ATAD1: variants seen among roughly 807,000 people sequenced by gnomAD.
ATAD1 encodes outer mitochondrial transmembrane helix translocase.
ATAD1 carries 18 observed loss-of-function variants against 42.7 expected under a neutral mutation model. The observed-to-expected ratio is 0.42, with a 90% CI of 0.29 to 0.63. The LOEUF is 0.63. Ranked by LOEUF, ATAD1 falls within the 20% of genes least tolerant of loss-of-function variation. ATAD1 has a pLI of 0.19. For missense variants in ATAD1, 294 were observed against 440.4 expected, an observed-to-expected ratio of 0.67 and a Z score of 2.98; for synonymous variants, 132 against 143.1, an observed-to-expected ratio of 0.92 and a Z score of 0.55.
At chr10:87,839,819 A>G (rs7076964) in intron 1 of ATAD1, among the ~76,000 whole-genome samples, 76,937 of 151,532 alleles carry the variant, frequency 0.51, 19,672 homozygotes, top group Middle Eastern at 0.58. Flanking sequence ...TAAAGAAGTA[A>G]TGGGATTGTA....
At chr10:87,835,460 G>A (rs1263059085) in intron 1 of ATAD1, among the ~76,000 whole-genome samples, 1 of 152,100 alleles carries the variant, frequency 6.6e-6, no homozygotes, top group Admixed American at 6.6e-5. Flanking sequence ...TTGTCTGATA[G>A]TAATATAACT....
chr10:87,809,340 T>G lies in ATAD1; in HGVS notation c.162+5098A>C, dbSNP rs572554966. On this transcript the variant is annotated intron_variant, in intron 2 of 9. Transcript: ENST00000680024. ...TAGTTTGTATACTGTATTCTTGCAA[T>G]AAAGTAACCTAGAGAAAGCATGTTA... Among the ~76,000 whole-genome samples, 4 of 152,264 alleles carry G rather than the reference T, an allele frequency of 2.6e-5. No individual in the cohort carries two copies. In the South Asian group the frequency reaches 8.3e-4, roughly 32 times the overall value.
At chr10:87,781,455 T>C (rs1244593261) in intron 5 of ATAD1, among the ~76,000 whole-genome samples, 2 of 152,206 alleles carry the variant, frequency 1.3e-5, no homozygotes, top group Non-Finnish European at 2.9e-5. Flanking sequence ...AATTGAATTA[T>C]TTTTAAGTTG....
chr10:87,756,992 C>A, intron 8 of ATAD1, 70 bp from the exon 9 acceptor site: 1 of 1,283,142 alleles, frequency 7.8e-7, no homozygotes, highest in South Asian at 2.1e-5. Flanking sequence ...ACCAAACACC[C>A]ATCTTAAAGA....
intron 1 of ATAD1, among the ~76,000 whole-genome samples, chr10:87,816,261 C>T (rs1857410210): frequency 6.6e-6 from 1 of 152,126 alleles, no homozygotes; most frequent in African/African-American, 2.4e-5. Flanking sequence ...TAAATTGTAA[C>T]TGAAGGAAAT....
At chr10:87,766,118 T>C (rs1373315710) in intron 8 of ATAD1, among the ~76,000 whole-genome samples, 1 of 152,158 alleles carries the variant, frequency 6.6e-6, no homozygotes, top group Non-Finnish European at 1.5e-5. Context: ...TTCCATAACA[T>C]TCTGTTGGCA....
Position 87,779,395 on chromosome 10 carries a change from T to C in ATAD1, c.584-2968A>G, listed in dbSNP as rs77004889. ...GGAAATGAAATGACAAGCCACAGAC[T>C]GGCAAAAAATATTTGCAAACACATA... On this transcript the variant is annotated intron_variant, in intron 5 of 9. Coordinates refer to ENST00000680024, the MANE Select transcript of ATAD1 (RefSeq NM_001321967.2). Among the ~76,000 whole-genome samples, 666 of 152,298 alleles carry C rather than the reference T, an allele frequency of 4.4e-3. 10 individuals carry two copies. Among genetic ancestry groups the C allele is most frequent in the Non-Finnish European group, 3.9e-3 (265 of 68,026 alleles).
In ATAD1 at chr10:87,759,923, T is replaced by C. The variant is rs1034252087; in HGVS notation, c.832-3001A>G. The C allele has an allele frequency of 1.1e-4, 24 of 225,724 alleles. No homozygotes were observed. In the Admixed American group the frequency reaches 1.2e-3, roughly 12 times the overall value. 14.0% of individuals were successfully genotyped at this position (225,724 alleles called of 1,614,324 possible). On this transcript the variant is annotated intron_variant, in intron 8 of 9. Coordinates refer to ENST00000680024, the MANE Select transcript of ATAD1 (RefSeq NM_001321967.2). ...TTGTTCTAAGATAATAGCTTTTAGA[T>C]AAACCATGAAATAATGAGAACTCTT...
At chr10:87,760,991 G>C (rs1854457432) in intron 8 of ATAD1, among the ~76,000 whole-genome samples, 1 of 151,858 alleles carries the variant, frequency 6.6e-6, no homozygotes, top group African/African-American at 2.4e-5. Context: ...AATTGTAAAA[G>C]AGTAGAACAC....
intron 8 of ATAD1, among the ~76,000 whole-genome samples, chr10:87,763,080 C>CAA (rs71019501): frequency 0.014 from 365 of 25,714 alleles, 1 homozygote; most frequent in Non-Finnish European, 0.019. Context: ...GACTCTGTCA[C>CAA]AAAAAAAAAA....
At chr10:87,823,978 T>C (rs954181101) in intron 1 of ATAD1, among the ~76,000 whole-genome samples, 2 of 152,228 alleles carry the variant, frequency 1.3e-5, no homozygotes, top group Non-Finnish European at 2.9e-5. Flanking sequence ...TTTTATCTTC[T>C]AAGCACAAGT....
chr10:87,835,867 C>T (rs1003664493), intron 1 of ATAD1, among the ~76,000 whole-genome samples: 5 of 152,092 alleles, frequency 3.3e-5, no homozygotes, highest in African/African-American at 1.2e-4. Flanking sequence ...TTTAATTTTA[C>T]ACAACCTACT....
intron 9 of ATAD1, among the ~76,000 whole-genome samples, chr10:87,755,889 G>T (rs953722749): frequency 6.6e-6 from 1 of 152,064 alleles, no homozygotes; most frequent in African/African-American, 2.4e-5. Flanking sequence ...GCAAAAGAGC[G>T]AAACTCCGTC....
intron 5 of ATAD1, among the ~76,000 whole-genome samples, chr10:87,783,211 C>T (rs1855654324): frequency 6.6e-6 from 1 of 151,746 alleles, no homozygotes; most frequent in Non-Finnish European, 1.5e-5. Context: ...GAAACCCTGA[C>T]TCTACAAAAA....
intron 8 of ATAD1, among the ~76,000 whole-genome samples, chr10:87,763,848 T>C (rs1854611684): frequency 6.6e-6 from 1 of 152,132 alleles, no homozygotes; most frequent in Non-Finnish European, 1.5e-5. Flanking sequence ...ATATATGCCT[T>C]TGGGCAGAAA....
intron 1 of ATAD1, chr10:87,817,840 G>C: frequency 1.0e-6 from 1 of 985,494 alleles, no homozygotes; most frequent in Non-Finnish European, 1.2e-6. Context: ...TGGTTCTGAA[G>C]TCTTCCGGGA....
chr10:87,776,449 C>T (rs978041685), intron 5 of ATAD1, 22 bp from the exon 6 acceptor site: 1 of 1,553,450 alleles, frequency 6.4e-7, no homozygotes, highest in African/African-American at 1.4e-5. Context: ...AGGTCCTTAA[C>T]CTTAGAAATT....
intron 2 of ATAD1, among the ~76,000 whole-genome samples, chr10:87,805,547 C>G (rs144974705): frequency 6.6e-6 from 1 of 152,162 alleles, no homozygotes; most frequent in Non-Finnish European, 1.5e-5. Context: ...TCATTAAATA[C>G]TGATCACATA....
intron 1 of ATAD1, among the ~76,000 whole-genome samples, chr10:87,830,708 G>A (rs1425101966): frequency 2.0e-5 from 3 of 152,132 alleles, no homozygotes; most frequent in Non-Finnish European, 4.4e-5. Flanking sequence ...TACCTATTCA[G>A]CATAATCCAA....
Sources: gnomAD v4.1 joint callset for allele counts (sites outside exome capture counted in the v4.1 genomes callset) on GRCh38, gnomAD v4.1.1 for gene constraint, MANE v1.5 for transcripts, NCBI Gene and HGNC (gene_info 2026-07-23, HGNC 2026-07-21) for gene names.